The following PLCG2 variants were observed in gnomAD, a reference collection of about 807,000 sequenced individuals.
PLCG2 encodes the protein phospholipase C gamma 2.
Under a neutral mutation model 175.6 loss-of-function variants are expected in PLCG2, and 69 were observed. That is an observed-to-expected ratio of 0.39 (90% CI 0.32 to 0.48). The LOEUF (loss-of-function observed/expected upper bound fraction) is 0.48. Ranked by LOEUF, PLCG2 falls within the 20% of genes least tolerant of loss-of-function variation. PLCG2 has a pLI of 0.91. For missense variants in PLCG2, 1,798 were observed against 1,650.9 expected, an observed-to-expected ratio of 1.09 and a Z score of -1.54; for synonymous variants, 827 against 624.0, an observed-to-expected ratio of 1.33 and a Z score of -4.85.
At chr16:81,941,460 G>A (rs10514519) in intron 30 of PLCG2, among the ~76,000 whole-genome samples, 33,200 of 152,054 alleles carry the variant, frequency 0.22, 4,364 homozygotes, top group African/African-American at 0.38. Flanking sequence ...CACTTTGACA[G>A]AACCAAACTA....
intron 1 of PLCG2, among the ~76,000 whole-genome samples, chr16:81,747,466 T>C (rs1272121313): frequency 6.6e-6 from 1 of 151,936 alleles, no homozygotes; most frequent in African/African-American, 2.4e-5. Flanking sequence ...ACCCGGGAGG[T>C]GGAGGTTGCA....
chr16:81,779,940 G>T (rs1022381522), intron 1 of PLCG2, among the ~76,000 whole-genome samples: 1 of 152,182 alleles, frequency 6.6e-6, no homozygotes, highest in African/African-American at 2.4e-5. Context: ...CGCGATGCCC[G>T]CTCCGCAGCT....
rs17856213 is a variant in PLCG2, at chr16:81,931,562, G to A, written c.2647G>A (p.Asp883Asn). Residue 883 changes from aspartate to asparagine, a missense_variant, in exon 25 of 33, where the codon GAT becomes AAT. Physicochemically the swap from Asp to Asn is conservative, Grantham distance 23. Transcript: ENST00000564138. ...CATCCTGGAGCCCAAGCAGCAGGGC[G>A]ATCCTCCGGTGGAGTTTGCCACAGA... Reference protein sequence around the residue: ...VFILEPKQQGDPPVEFATDRV... With the variant: ...VFILEPKQQGNPPVEFATDRV... 2 of 1,613,946 alleles carry A rather than the reference G, an allele frequency of 1.2e-6. No homozygotes were observed. Among genetic ancestry groups the A allele is most frequent in the Non-Finnish European group, 1.7e-6 (2 of 1,179,970 alleles).
At position 81,956,778 on chromosome 16, in the gene PLCG2, C is replaced by T. The variant is rs771989960; in HGVS notation, c.3654C>T (p.Asp1218=). ...TGAACAACCAGCTCTTTCTGTATGA[C>T]ACACACCAGAACTTGCGCAATGCCA... is the stretch of plus-strand genomic sequence containing the variant. ...EELNNQLFLY[D]THQNLRNANR... Residue 1218 remains aspartate (D), a synonymous_variant, in exon 32 of 33, where the codon GAC becomes GAT. Coordinates refer to ENST00000564138, the MANE Select transcript of PLCG2 (RefSeq NM_002661.5). 18 of 1,614,070 alleles carry T rather than the reference C, an allele frequency of 1.1e-5. No individual in the cohort carries two copies. The highest frequency in any genetic ancestry group is 1.5e-5 in the Non-Finnish European group (18 of 1,180,024).
intron 1 of PLCG2, among the ~76,000 whole-genome samples, chr16:81,748,836 G>A (rs1221995900): frequency 2.6e-5 from 4 of 152,062 alleles, no homozygotes; most frequent in South Asian, 2.1e-4. Flanking sequence ...AGGTTTTATC[G>A]GGCACATTTG....
chr16:81,880,995 A>C (rs768027710), intron 8 of PLCG2, 42 bp downstream of exon 8: 33 of 1,598,996 alleles, frequency 2.1e-5, no homozygotes, highest in Admixed American at 5.0e-5. Context: ...GCTGTGCCGG[A>C]CCTCGGTGCC....
intron 2 of PLCG2, among the ~76,000 whole-genome samples, chr16:81,813,752 C>G (rs1904420226): frequency 6.9e-6 from 1 of 145,386 alleles, no homozygotes; most frequent in African/African-American, 2.5e-5. Flanking sequence ...ACCAGTGTTC[C>G]TTTGTGCAGC....
intron 1 of PLCG2, among the ~76,000 whole-genome samples, chr16:81,750,728 C>T (rs546395305): frequency 1.0e-4 from 12 of 114,558 alleles, no homozygotes; most frequent in African/African-American, 3.2e-4. Context: ...AGTGCAGTGG[C>T]GCGATCTCGG....
rs1908185689 is a variant in PLCG2, at chr16:81,883,348, G to T, written c.765+7G>T. ...TCTCATACATGAACAGCAGGTGAGA[G>T]CACAAGGTGTGTGGGTGCCTGAGGG... On this transcript the variant is annotated splice_region_variant and intron_variant, in intron 9 of 32. Coordinates refer to ENST00000564138, the MANE Select transcript of PLCG2 (RefSeq NM_002661.5). 5 of 1,612,196 alleles carry T rather than the reference G, an allele frequency of 3.1e-6. No individual in the cohort carries two copies. The highest frequency in any genetic ancestry group is 3.4e-6 in the Non-Finnish European group (4 of 1,178,554).
At chr16:81,810,388 C>G (rs9806949) in intron 2 of PLCG2, among the ~76,000 whole-genome samples, 2 of 152,170 alleles carry the variant, frequency 1.3e-5, no homozygotes, top group African/African-American at 2.4e-5. Flanking sequence ...TATGCTTGGC[C>G]TTCGTTATTT....
At chr16:81,889,331 T>C in intron 10 of PLCG2, 58 bp downstream of exon 10, 1 of 897,626 alleles carries the variant, frequency 1.1e-6, no homozygotes, top group Admixed American at 2.1e-5. Flanking sequence ...TGTCTGTGCT[T>C]TCTGAGGTTT....
chr16:81,770,886 A>G (rs8048394), intron 2 of PLCG2, among the ~76,000 whole-genome samples: 150,903 of 151,786 alleles, frequency 0.99, 75,022 homozygotes, highest in Middle Eastern at 1. Flanking sequence ...GTGAAATCCC[A>G]TCTCTACTAA....
intron 1 of PLCG2, among the ~76,000 whole-genome samples, chr16:81,752,454 G>A (rs910551772): frequency 6.6e-6 from 1 of 152,124 alleles, no homozygotes; most frequent in Non-Finnish European, 1.5e-5. Context: ...GGGTGGAGGC[G>A]GCTGGCCGTG....
At chr16:81,861,573 C>T (rs1381988583) in intron 5 of PLCG2, among the ~76,000 whole-genome samples, 8 of 152,226 alleles carry the variant, frequency 5.3e-5, no homozygotes, top group Admixed American at 5.2e-4. Context: ...CCACGCTGGG[C>T]CACCCTCTCG....
intron 11 of PLCG2, 33 bp downstream of exon 11, chr16:81,891,623 C>T (rs1315774636): frequency 1.1e-5 from 14 of 1,224,972 alleles, no homozygotes; most frequent in Non-Finnish European, 1.7e-5. Flanking sequence ...ATGGGTTGGG[C>T]AGCACAGAGC....
intron 13 of PLCG2, chr16:81,897,793 C>A (rs1908964177): frequency 6.6e-6 from 3 of 454,760 alleles, no homozygotes; most frequent in Non-Finnish European, 1.3e-5. Flanking sequence ...GATCCTCCCG[C>A]CTCAACCTCC....
chr16:81,858,089 AAAGCAGG>A lies in PLCG2; in HGVS notation c.338-173_338-167del, dbSNP rs5818356. On this transcript the variant is annotated intron_variant, in intron 3 of 32. Coordinates refer to ENST00000564138, the MANE Select transcript of PLCG2 (RefSeq NM_002661.5). ...GAATGTGTGGCCCCATCTCAGACAA[AAAGCAGG>A]TCCTAGGGCCATGACGGTGTGAAAG... 151,469 of 588,736 alleles carry A rather than the reference AAAGCAGG, an allele frequency of 0.26. 21,672 individuals carry two copies. Among genetic ancestry groups the A allele is most frequent in the East Asian group, 0.54 (20,501 of 38,070 alleles). 36.5% of individuals were successfully genotyped at this position (588,736 alleles called of 1,614,324 possible).
chr16:81,948,020 G>A lies in PLCG2; in HGVS notation c.3570+1757G>A, dbSNP rs16956070. On this transcript the variant is annotated intron_variant, in intron 31 of 32. Transcript: ENST00000564138. ...AAGCCATTGATGCCTGTTTCATCAG[G>A]TATGGGTCCCTAATTCACTTATGCT... 7.5e-3 allele frequency among the ~76,000 whole-genome samples: 1,141 copies of A among 152,256 alleles called. 21 individuals carry two copies. The highest frequency in any genetic ancestry group is 0.026 in the African/African-American group (1,100 of 41,540).
At chr16:81,834,981 G>A (rs1182052073) in intron 2 of PLCG2, among the ~76,000 whole-genome samples, 2 of 152,120 alleles carry the variant, frequency 1.3e-5, no homozygotes, top group Admixed American at 1.3e-4. Flanking sequence ...GACCCTGTGG[G>A]CAGGGGAAAG....
Sources: gnomAD v4.1 joint callset for allele counts (sites outside exome capture counted in the v4.1 genomes callset) on GRCh38, gnomAD v4.1.1 for gene constraint, MANE v1.5 for transcripts, NCBI Gene and HGNC (gene_info 2026-07-23, HGNC 2026-07-21) for gene names.